PHF21A: variants seen among roughly 807,000 people sequenced by gnomAD.
PHF21A encodes PHD finger protein 21A.
PHF21A carries 11 observed loss-of-function variants against 82.5 expected under a neutral mutation model. The ratio of observed to expected loss-of-function variants is 0.13; its 90% CI spans 0.08 to 0.22. The LOEUF (loss-of-function observed/expected upper bound fraction) is 0.22. Among genes scored for constraint, PHF21A ranks in the 10% least tolerant of loss-of-function variants. PHF21A has a pLI of 1.00. For missense variants in PHF21A, 579 were observed against 837.8 expected, an observed-to-expected ratio of 0.69 and a Z score of 3.81; for synonymous variants, 297 against 302.8, an observed-to-expected ratio of 0.98 and a Z score of 0.20.
At chr11:46,032,812 C>T (rs1320979739) in intron 6 of PHF21A, among the ~76,000 whole-genome samples, 1 of 151,970 alleles carries the variant, frequency 6.6e-6, no homozygotes, top group Non-Finnish European at 1.5e-5. Context: ...CTGAGCATCG[C>T]TTCATATTTA....
intron 3 of PHF21A, among the ~76,000 whole-genome samples, chr11:46,086,204 C>T (rs1222271462): frequency 6.6e-6 from 1 of 151,852 alleles, no homozygotes; most frequent in East Asian, 1.9e-4. Flanking sequence ...CTGCAAGCTC[C>T]GCCTCCCAGG....
intron 5 of PHF21A, among the ~76,000 whole-genome samples, chr11:46,077,816 T>C (rs2096744893): frequency 6.6e-6 from 1 of 152,214 alleles, no homozygotes; most frequent in Non-Finnish European, 1.5e-5. Context: ...TCTAGTAACA[T>C]TTCACAGTTG....
intron 10 of PHF21A, among the ~76,000 whole-genome samples, chr11:45,964,050 A>C (rs1228582722): frequency 1.3e-5 from 2 of 151,870 alleles, no homozygotes; most frequent in Non-Finnish European, 2.9e-5. Context: ...ATACAAAATT[A>C]GCCAGGCATG....
chr11:45,975,105 G>C (rs1268175961), intron 7 of PHF21A, among the ~76,000 whole-genome samples: 1 of 151,998 alleles, frequency 6.6e-6, no homozygotes, highest in South Asian at 2.1e-4. Flanking sequence ...CTTAAGCCTA[G>C]GAGTTTGAGA....
At chr11:45,935,001 C>G (rs571952668) in intron 18 of PHF21A, 1 of 726,022 alleles carries the variant, frequency 1.4e-6, no homozygotes, top group East Asian at 6.5e-5. Context: ...TTCACTCCAA[C>G]AAGGGTGACC....
intron 1 of PHF21A, chr11:46,118,294 T>G (rs960268474): frequency 6.6e-6 from 1 of 152,054 alleles, no homozygotes; most frequent in Non-Finnish European, 1.5e-5. Context: ...CCTGCAAAAT[T>G]GTCTAAAAAC....
chr11:46,009,715 T>C (rs545817095), intron 6 of PHF21A, among the ~76,000 whole-genome samples: 10 of 152,340 alleles, frequency 6.6e-5, no homozygotes, highest in Middle Eastern at 3.4e-3. Flanking sequence ...CTTGGGCAGT[T>C]TGGCTACAGA....
chr11:46,007,414 A>G (rs899493307), intron 6 of PHF21A, among the ~76,000 whole-genome samples: 2 of 151,820 alleles, frequency 1.3e-5, no homozygotes, highest in African/African-American at 4.8e-5. Context: ...CCCAAGTTCA[A>G]GTGATTCTCC....
At chr11:46,040,935 GCA>G (rs1565683691) in intron 6 of PHF21A, among the ~76,000 whole-genome samples, 4 of 87,912 alleles carry the variant, frequency 4.6e-5, no homozygotes, top group African/African-American at 1.0e-4. Context: ...ACACACACAC[GCA>G]CGCACAATTA....
intron 6 of PHF21A, among the ~76,000 whole-genome samples, chr11:46,076,416 C>T (rs561768521): frequency 2.0e-5 from 3 of 152,304 alleles, no homozygotes; most frequent in East Asian, 3.9e-4. Context: ...ACAAGGTACA[C>T]GCAGCACCTA....
At chr11:46,072,506 G>C (rs2096667067) in intron 6 of PHF21A, among the ~76,000 whole-genome samples, 1 of 152,204 alleles carries the variant, frequency 6.6e-6, no homozygotes, top group Non-Finnish European at 1.5e-5. Context: ...ACCACTCTCA[G>C]CAGCCCTAGC....
chr11:46,071,436 A>G (rs2134735671), intron 6 of PHF21A, among the ~76,000 whole-genome samples: 1 of 152,372 alleles, frequency 6.6e-6, no homozygotes, highest in African/African-American at 2.4e-5. Context: ...ACCTAGTGTG[A>G]AAATAAACAC....
At chr11:45,993,337 A>G (rs1236513146) in intron 6 of PHF21A, among the ~76,000 whole-genome samples, 1 of 152,090 alleles carries the variant, frequency 6.6e-6, no homozygotes, top group African/African-American at 2.4e-5. Flanking sequence ...ACGATTGTAA[A>G]TTTTGAAACC....
chr11:46,046,012 A>G (rs1209725005), intron 6 of PHF21A, among the ~76,000 whole-genome samples: 1 of 152,214 alleles, frequency 6.6e-6, no homozygotes, highest in Non-Finnish European at 1.5e-5. Flanking sequence ...AAAAACACAA[A>G]AAGAGTCTGT....
At chr11:45,934,595 C>G (rs2088371547) in intron 18 of PHF21A, 2 of 232,190 alleles carry the variant, frequency 8.6e-6, no homozygotes, top group South Asian at 1.3e-4. Context: ...CCTGTTTAGG[C>G]AGGTTTTGAT....
At chr11:46,023,371 G>A (rs1369853878) in intron 6 of PHF21A, among the ~76,000 whole-genome samples, 2 of 152,164 alleles carry the variant, frequency 1.3e-5, no homozygotes, top group African/African-American at 4.8e-5. Flanking sequence ...AAGAAGTCAT[G>A]AGCAGAAGGG....
chr11:46,001,278 T>C (rs2095119185), intron 6 of PHF21A, among the ~76,000 whole-genome samples: 1 of 151,556 alleles, frequency 6.6e-6, no homozygotes, highest in African/African-American at 2.4e-5. Flanking sequence ...AAAGGTTCTG[T>C]GACCACCAGG....
chr11:45,937,795 A>T (rs1413114302), intron 16 of PHF21A, among the ~76,000 whole-genome samples: 1 of 152,174 alleles, frequency 6.6e-6, no homozygotes, highest in African/African-American at 2.4e-5. Context: ...GTGTTATTTT[A>T]ATTAATCAAC....
chr11:45,980,403 A>G (rs2094228118), intron 6 of PHF21A, among the ~76,000 whole-genome samples: 1 of 152,208 alleles, frequency 6.6e-6, no homozygotes, highest in Non-Finnish European at 1.5e-5. Context: ...TTGCTCTTTA[A>G]AATGAGGTGG....
Sources: gnomAD v4.1 joint callset for allele counts (sites outside exome capture counted in the v4.1 genomes callset) on GRCh38, gnomAD v4.1.1 for gene constraint, MANE v1.5 for transcripts, NCBI Gene and HGNC (gene_info 2026-07-23, HGNC 2026-07-21) for gene names.